The following HSD11B1 variants were observed in gnomAD, a reference collection of about 807,000 sequenced individuals.
HSD11B1 encodes 11-beta-hydroxysteroid dehydrogenase 1.
In HSD11B1, 15 loss-of-function variants were observed where a neutral mutation model predicts 22.1. The observed-to-expected ratio is 0.68, with a 90% confidence interval of 0.45 to 1.04. The LOEUF is 1.04. Among genes scored for constraint, HSD11B1 ranks in the 50% least tolerant of loss-of-function variants. HSD11B1 has a pLI of 0.00. For missense variants in HSD11B1, 281 were observed against 357.6 expected, an observed-to-expected ratio of 0.79 and a Z score of 1.73; for synonymous variants, 122 against 125.2, an observed-to-expected ratio of 0.97 and a Z score of 0.17.
chr1:209,718,958 T>C (rs2076947168), intron 4 of HSD11B1, among the ~76,000 whole-genome samples: 1 of 125,932 alleles, frequency 7.9e-6, no homozygotes, highest in Non-Finnish European at 1.5e-5. Context: ...AGGCGGAGGT[T>C]GCAGTGAGCC....
intron 4 of HSD11B1, among the ~76,000 whole-genome samples, chr1:209,731,200 T>C (rs965533831): frequency 1.3e-5 from 2 of 152,202 alleles, no homozygotes; most frequent in East Asian, 3.8e-4. Flanking sequence ...GAACAATGCA[T>C]GGGCAATGCA....
At chr1:209,701,447 T>C (rs927157744), upstream of HSD11B1, among the ~76,000 whole-genome samples, 1 of 152,086 alleles carries the variant, frequency 6.6e-6, no homozygotes, top group African/African-American at 2.4e-5. Context: ...TCTCACAACA[T>C]GTGGAAATTG....
At position 209,699,093 on chromosome 1, in the gene HSD11B1, T is replaced by C. The variant is rs774228582; in HGVS notation, c.-48-5802T>C. Among the ~76,000 whole-genome samples, 10 of 151,902 alleles carry C rather than the reference T, an allele frequency of 6.6e-5. No individual in the cohort carries two copies. In the East Asian group the frequency reaches 1.7e-3, roughly 26 times the overall value. On this transcript the variant is annotated intron_variant, in intron 1 of 6. Coordinates refer to the HSD11B1 transcript ENST00000261465. The stretch of plus-strand genomic sequence containing the variant: ...CTTCTCCCCTCGTTAGACACACACA[T>C]GAGGGAGGAGAACAGGAGGAAGGGA...
At chr1:209,692,138 A>G (rs1466634070) in intron 1 of HSD11B1, among the ~76,000 whole-genome samples, 1 of 152,084 alleles carries the variant, frequency 6.6e-6, no homozygotes, top group African/African-American at 2.4e-5. Context: ...AATACATTCT[A>G]CCAACCAGTC....
At chr1:209,708,603 A>G (rs779647644) in intron 4 of HSD11B1, among the ~76,000 whole-genome samples, 11 of 152,216 alleles carry the variant, frequency 7.2e-5, no homozygotes, top group Non-Finnish European at 1.3e-4. Flanking sequence ...CACATCCCCA[A>G]TCCATCCCAG....
intron 4 of HSD11B1, among the ~76,000 whole-genome samples, chr1:209,725,787 G>C (rs1010013942): frequency 2.6e-5 from 4 of 152,104 alleles, no homozygotes; most frequent in African/African-American, 9.7e-5. Flanking sequence ...CTAGAAGAAT[G>C]GGGGGCAGAG....
At chr1:209,707,201 GT>G in intron 4 of HSD11B1, 73 bp downstream of exon 4, 1 of 1,252,096 alleles carries the variant, frequency 8.0e-7, no homozygotes, top group East Asian at 2.3e-5. Flanking sequence ...AGGCTCTGAA[GT>G]AGACATAAAT....
At chr1:209,696,045 C>T (rs991499028) in intron 1 of HSD11B1, among the ~76,000 whole-genome samples, 1 of 152,124 alleles carries the variant, frequency 6.6e-6, no homozygotes, top group Non-Finnish European at 1.5e-5. Context: ...CAATAAATGA[C>T]ACATGTTACA....
intron 4 of HSD11B1, among the ~76,000 whole-genome samples, chr1:209,729,129 C>T (rs975076482): frequency 2.0e-5 from 3 of 152,122 alleles, no homozygotes; most frequent in Non-Finnish European, 4.4e-5. Flanking sequence ...GAGGCCGAGG[C>T]AGGTGGATCA....
rs138309176 is a variant in HSD11B1, at chr1:209,728,933, C to T, written c.518-3503C>T. 3.3e-5 allele frequency among the ~76,000 whole-genome samples: 5 copies of T among 152,288 alleles called. No homozygotes were observed. In the East Asian group the frequency reaches 9.6e-4, roughly 29 times the overall value. On this transcript the variant is annotated intron_variant, in intron 4 of 5. Transcript: ENST00000367027. ...AATGGGATAAAATAGATTACATAAG[C>T]TCATACCTGCAGTTAGGAATGATGT...
At chr1:209,693,417 T>C (rs1221019953) in intron 1 of HSD11B1, among the ~76,000 whole-genome samples, 3 of 152,096 alleles carry the variant, frequency 2.0e-5, no homozygotes, top group Admixed American at 6.6e-5. Flanking sequence ...TATGAATAGA[T>C]GGGGAAGCTG....
chr1:209,704,799 G>A, upstream of HSD11B1: 1 of 664,426 alleles, frequency 1.5e-6, no homozygotes, highest in Admixed American at 2.2e-5. Context: ...CAGGGAAATT[G>A]GCTAGCACTG....
At chr1:209,721,940 T>G (rs920587079) in intron 4 of HSD11B1, among the ~76,000 whole-genome samples, 15 of 152,162 alleles carry the variant, frequency 9.9e-5, no homozygotes, top group African/African-American at 3.6e-4. Flanking sequence ...CAAATAATGC[T>G]ATTGAGGCCC....
At chr1:209,705,495 GA>G (rs1411911229) in intron 1 of HSD11B1, among the ~76,000 whole-genome samples, 1 of 151,530 alleles carries the variant, frequency 6.6e-6, no homozygotes, top group African/African-American at 2.4e-5. Flanking sequence ...GAGCAAAATT[GA>G]AAGAGTCCAG....
intron 1 of HSD11B1, among the ~76,000 whole-genome samples, chr1:209,692,992 CTCTTT>C (rs2076770230): frequency 6.6e-6 from 1 of 152,202 alleles, no homozygotes; most frequent in Admixed American, 6.5e-5. Flanking sequence ...CTCCTTCATT[CTCTTT>C]TATTTTCAGT....
At chr1:209,694,567 T>G (rs1018032700) in intron 1 of HSD11B1, among the ~76,000 whole-genome samples, 2 of 152,144 alleles carry the variant, frequency 1.3e-5, no homozygotes, top group African/African-American at 2.4e-5. Context: ...ATGAAGAACT[T>G]GTAAAGCTGT....
chr1:209,731,167 G>A (rs554644483), intron 4 of HSD11B1, among the ~76,000 whole-genome samples: 1 of 152,334 alleles, frequency 6.6e-6, no homozygotes, highest in South Asian at 2.1e-4. Flanking sequence ...CATAAGCTCT[G>A]TCCAAATCTC....
chr1:209,692,165 G>C (rs1288288613), intron 1 of HSD11B1, among the ~76,000 whole-genome samples: 2 of 151,796 alleles, frequency 1.3e-5, no homozygotes, highest in Admixed American at 6.6e-5. Flanking sequence ...TTGATGTCTG[G>C]AGCCATTAAG....
At chr1:209,687,692 G>A (rs2076736404) in intron 1 of HSD11B1, among the ~76,000 whole-genome samples, 1 of 152,080 alleles carries the variant, frequency 6.6e-6, no homozygotes, top group Non-Finnish European at 1.5e-5. Context: ...AAGAAATCAT[G>A]AAAACTTTAC....
Sources: allele counts gnomAD v4.1 joint callset (sites outside exome capture counted in the v4.1 genomes callset), GRCh38; gene constraint gnomAD v4.1.1; transcripts MANE v1.5; gene names NCBI Gene and HGNC (gene_info 2026-07-23, HGNC 2026-07-21).